CDH4: variants seen among roughly 807,000 people sequenced by gnomAD.
CDH4 encodes cadherin-4.
CDH4 carries 33 observed loss-of-function variants against 86.0 expected under a neutral mutation model. That is an observed-to-expected ratio of 0.38 (90% CI 0.29 to 0.51). The LOEUF (loss-of-function observed/expected upper bound fraction) is 0.51. Among genes scored for constraint, CDH4 ranks in the 20% least tolerant of loss-of-function variants. CDH4 has a pLI of 0.86. For synonymous variants in CDH4, 555 were observed against 549.4 expected (o/e 1.01, Z -0.14); for missense variants, 1,114 against 1,307.4 (o/e 0.85, Z 2.28).
At chr20:61,812,880 AG>A (rs960062176) in intron 4 of CDH4, among the ~76,000 whole-genome samples, 1 of 152,214 alleles carries the variant, frequency 6.6e-6, no homozygotes, top group African/African-American at 2.4e-5. Flanking sequence ...CTGCACAGCC[AG>A]GAACAGATGA....
intron 2 of CDH4, among the ~76,000 whole-genome samples, chr20:61,307,382 A>T (rs4812298): frequency 6.6e-6 from 1 of 151,766 alleles, no homozygotes; most frequent in African/African-American, 2.4e-5. Context: ...AACACATTGC[A>T]TGTGTCATTA....
At position 61,910,464 on chromosome 20, in the gene CDH4, G is replaced by A. The variant is rs775216668; in HGVS notation, c.1231G>A (p.Ala411Thr). 1.2e-5 allele frequency: 20 copies of A among 1,613,746 alleles called. No individual in the cohort carries two copies. Among genetic ancestry groups the A allele is most frequent in the Middle Eastern group, 1.6e-4 (1 of 6,082 alleles). Residue 411 changes from alanine to threonine, a missense_variant, in exon 9 of 16, where the codon GCA (alanine) becomes ACA (threonine). Coordinates refer to ENST00000614565, the MANE Select transcript of CDH4 (RefSeq NM_001794.5). ...CGAAAACCGCGTGGAGACCGTGGTCGCAAACCTCACGGTGATGGACCGAGA... is the reference window on the plus strand; with the variant it reads ...CGAAAACCGCGTGGAGACCGTGGTCACAAACCTCACGGTGATGGACCGAGA... ...VPENRVETVV[A>T]NLTVMDRDQP...
intron 2 of CDH4, among the ~76,000 whole-genome samples, chr20:61,664,122 C>T (rs1456471761): frequency 6.6e-6 from 1 of 152,118 alleles, no homozygotes; most frequent in Non-Finnish European, 1.5e-5. Context: ...GACCCTGCAC[C>T]GTGGGCCATC....
At chr20:61,690,286 C>T (rs2087639118) in intron 2 of CDH4, among the ~76,000 whole-genome samples, 2 of 152,242 alleles carry the variant, frequency 1.3e-5, no homozygotes, top group East Asian at 3.9e-4. Context: ...CTGGGACCCT[C>T]TGCTGTGACT....
At chr20:61,354,727 C>G (rs1568810902) in intron 2 of CDH4, among the ~76,000 whole-genome samples, 1 of 152,344 alleles carries the variant, frequency 6.6e-6, no homozygotes. Context: ...AGGTTTAGCC[C>G]TGGCCTTCAC....
At chr20:61,836,685 AAC>A (rs1487816359) in intron 4 of CDH4, among the ~76,000 whole-genome samples, 25 of 152,240 alleles carry the variant, frequency 1.6e-4, no homozygotes, top group Non-Finnish European at 3.5e-4. Context: ...AACAAGTGAG[AAC>A]CCTTACTTGG....
chr20:61,718,549 A>G, intron 2 of CDH4: 1 of 334,936 alleles, frequency 3.0e-6, no homozygotes, highest in South Asian at 2.5e-5. Context: ...GAACAGGCCA[A>G]CCTCGATCAC....
intron 2 of CDH4, among the ~76,000 whole-genome samples, chr20:61,647,447 C>A (rs1386430684): frequency 6.6e-6 from 1 of 152,122 alleles, no homozygotes; most frequent in Non-Finnish European, 1.5e-5. Flanking sequence ...GCCAGAAACA[C>A]ATGCTTTTAT....
intron 2 of CDH4, among the ~76,000 whole-genome samples, chr20:61,409,062 A>G (rs1272253117): frequency 6.6e-6 from 1 of 152,228 alleles, no homozygotes; most frequent in Non-Finnish European, 1.5e-5. Flanking sequence ...CACCCTGGGC[A>G]TTTTCAAGAT....
At chr20:61,390,663 G>T (rs1341655218) in intron 2 of CDH4, among the ~76,000 whole-genome samples, 3 of 150,764 alleles carry the variant, frequency 2.0e-5, no homozygotes, top group Non-Finnish European at 3.0e-5. Context: ...CCGTGTCTGG[G>T]AAACCCCGAT....
At chr20:61,929,102 G>A (rs745761885) in intron 12 of CDH4, among the ~76,000 whole-genome samples, 26 of 151,568 alleles carry the variant, frequency 1.7e-4, no homozygotes, top group South Asian at 6.3e-4. Flanking sequence ...TATATATTCA[G>A]GAAATTATTT....
At position 61,859,967 on chromosome 20, in the gene CDH4, A is replaced by G. The variant is rs1436920190; in HGVS notation, c.877+7069A>G. 2.0e-5 allele frequency among the ~76,000 whole-genome samples: 3 copies of G among 152,252 alleles called. No homozygotes were observed. In the East Asian group the frequency reaches 5.8e-4, roughly 29 times the overall value. On this transcript the variant is annotated intron_variant, in intron 6 of 15. Coordinates refer to ENST00000614565, the MANE Select transcript of CDH4 (RefSeq NM_001794.5). Reference sequence around the variant, plus strand: ...CACGGCACTGCCGCGTGACCACAGCATGGCCCTGGGGTGGCCCCAGGCAAG... The same window carrying G: ...CACGGCACTGCCGCGTGACCACAGCGTGGCCCTGGGGTGGCCCCAGGCAAG...
At chr20:61,464,610 G>A (rs529473775) in intron 2 of CDH4, among the ~76,000 whole-genome samples, 1 of 152,334 alleles carries the variant, frequency 6.6e-6, no homozygotes, top group Admixed American at 6.5e-5. Flanking sequence ...TTTGGACACA[G>A]ATGTTCTCCC....
chr20:61,797,434 C>T (rs76300146), intron 4 of CDH4, among the ~76,000 whole-genome samples: 9,040 of 152,282 alleles, frequency 0.059, 385 homozygotes, highest in Middle Eastern at 0.12. Context: ...ATCAAGCAGT[C>T]CTGGCTTACA....
At chr20:61,562,205 G>A (rs1321249818) in intron 2 of CDH4, among the ~76,000 whole-genome samples, 1 of 134,396 alleles carries the variant, frequency 7.4e-6, no homozygotes. Context: ...GGCTCCCAGA[G>A]AGAGAGAGGG....
chr20:61,845,262 AG>A (rs1196379463), intron 5 of CDH4, among the ~76,000 whole-genome samples: 1 of 152,168 alleles, frequency 6.6e-6, no homozygotes, highest in Non-Finnish European at 1.5e-5. Flanking sequence ...CACCCTCTCT[AG>A]GCTGGGACAA....
Position 61,269,930 on chromosome 20 carries a change from C to G in CDH4, c.169+14993C>G, listed in dbSNP as rs1342618537. On this transcript the variant is annotated intron_variant, in intron 2 of 15. Coordinates refer to ENST00000614565, the MANE Select transcript of CDH4 (RefSeq NM_001794.5). This position sits in a 1 kb window ranked among gnomAD's most constrained non-coding sequence, Gnocchi z 5.3. ...CTTAAGCTCCCCTGACCAATCTCCT[C>G]CAGAATCTGGCCCCCAGATGTGGAG... 6.6e-6 allele frequency among the ~76,000 whole-genome samples: 1 copy of G among 152,228 alleles called. No individual in the cohort carries two copies. Among genetic ancestry groups the G allele is most frequent in the Non-Finnish European group, 1.5e-5 (1 of 68,046 alleles).
At chr20:61,467,165 G>A (rs1285242595) in intron 2 of CDH4, among the ~76,000 whole-genome samples, 1 of 152,236 alleles carries the variant, frequency 6.6e-6, no homozygotes, top group East Asian at 1.9e-4. Flanking sequence ...TGGCTTCAGA[G>A]TGGGAGTTTC....
intron 2 of CDH4, among the ~76,000 whole-genome samples, chr20:61,581,082 AG>A (rs2086424550): frequency 1.3e-5 from 2 of 152,198 alleles, no homozygotes; most frequent in Admixed American, 1.3e-4. Flanking sequence ...TGCTGTAGGC[AG>A]GGGAGGGAGC....
Sources: allele counts gnomAD v4.1 joint callset (sites outside exome capture counted in the v4.1 genomes callset), GRCh38; gene constraint gnomAD v4.1.1; non-coding constraint Gnocchi (gnomAD v3.1); transcripts MANE v1.5; gene names NCBI Gene and HGNC (gene_info 2026-07-23, HGNC 2026-07-21).